Variants in RPS6KA1 observed in about 807,000 individuals in gnomAD.
RPS6KA1 encodes ribosomal protein S6 kinase alpha-1.
RPS6KA1 carries 48 observed loss-of-function variants against 91.3 expected under a neutral mutation model. The ratio of observed to expected loss-of-function variants is 0.53; its 90% CI spans 0.42 to 0.67. RPS6KA1 has a LOEUF of 0.67. Among genes scored for constraint, RPS6KA1 ranks in the 30% least tolerant of loss-of-function variants. The probability of loss-of-function intolerance (pLI) is 0.00; values close to 1 mark genes in which losing one functional copy is unlikely to be tolerated. For missense variants in RPS6KA1, 719 were observed against 960.5 expected (o/e 0.75, Z 3.32); for synonymous variants, 359 against 384.7 (o/e 0.93, Z 0.78).
intron 13 of RPS6KA1, among the ~76,000 whole-genome samples, chr1:26,557,647 C>A (rs2076114362): frequency 6.6e-6 from 1 of 152,138 alleles, no homozygotes. Context: ...TGGGAAGGAA[C>A]CTGGTGAATC....
intron 2 of RPS6KA1, among the ~76,000 whole-genome samples, chr1:26,541,177 C>G (rs1304581319): frequency 6.6e-6 from 1 of 151,408 alleles, no homozygotes; most frequent in African/African-American, 2.4e-5. Context: ...GTGGGAGGAT[C>G]GCTTGAGCCC....
rs987472000 is a variant in RPS6KA1 at position 26,556,903 on chromosome 1, G to A, written c.982-95G>A. On this transcript the variant is annotated intron_variant, in intron 12 of 21. Transcript: ENST00000374168. ...GCAATTCCGAGAGCTGGGCAATATGGCCTATGTTCCAAGCCCAGCACCTCC... is the reference window on the plus strand; with the variant it reads ...GCAATTCCGAGAGCTGGGCAATATGACCTATGTTCCAAGCCCAGCACCTCC... 3.0e-5 allele frequency: 36 copies of A among 1,183,310 alleles called. No individual in the cohort carries two copies. The Middle Eastern group carries it at 2.3e-3, about 76-fold the overall frequency. The allele number at this position is 1,183,310 out of a possible 1,614,324, so 73.3% of individuals were successfully genotyped here. A position where few individuals can be genotyped will look rare whatever the true frequency, so the allele number is the denominator to read the frequency against.
At position 26,571,963 on chromosome 1, in the gene RPS6KA1, AGCC is replaced by A; in HGVS notation, c.1829+39_1829+41del. 3.1e-6 allele frequency: 5 copies of A among 1,589,576 alleles called. No homozygotes were observed. The highest frequency in any genetic ancestry group is 4.3e-6 in the Non-Finnish European group (5 of 1,162,364). ...GGCCTGGACCCTTCCCCACTCCTGC[AGCC>A]CTAGCACTTGGGCTGAGTGGTGCTT... On this transcript the variant is annotated intron_variant, in intron 19 of 21. Coordinates refer to ENST00000374168, the MANE Select transcript of RPS6KA1 (RefSeq NM_002953.4). The surrounding 1 kb of genome is among the most constrained non-coding windows in gnomAD (Gnocchi z 5.1).
Position 26,529,879 on chromosome 1 carries a change from C to T in RPS6KA1, c.-42C>T. On this transcript the variant is annotated 5_prime_UTR_variant, in exon 1 of 22. Coordinates refer to ENST00000374168, the MANE Select transcript of RPS6KA1 (RefSeq NM_002953.4). This position sits in a 1 kb window ranked among gnomAD's most constrained non-coding sequence, Gnocchi z 4.2. The stretch of plus-strand genomic sequence containing the variant: ...CCCCAGGACCCGGGAGGCGGCGCAG[C>T]CGGGGCCGCCGGAGGAGCGCGGGTG... 2.2e-6 allele frequency: 3 copies of T among 1,394,110 alleles called. No individual in the cohort carries two copies. The highest frequency in any genetic ancestry group is 2.8e-6 in the Non-Finnish European group (3 of 1,068,856). The allele number at this position is 1,394,110 out of a possible 1,614,324, so 86.4% of individuals were successfully genotyped here.
Position 26,571,742 on chromosome 1 carries a change from C to G in RPS6KA1, c.1753-107C>G. 1 of 1,479,454 alleles carries G rather than the reference C, an allele frequency of 6.8e-7. No individual in the cohort carries two copies. The allele number at this position is 1,479,454 out of a possible 1,614,324, so 91.6% of individuals were successfully genotyped here. ...GCCCAGCTGGCAAGGGAAGATCTAG[C>G]CTGTGCCTGGGACCCTTGTCCTGCC... is the stretch of plus-strand genomic sequence containing the variant. On this transcript the variant is annotated intron_variant, in intron 18 of 21. Transcript: ENST00000374168. The surrounding 1 kb of genome is among the most constrained non-coding windows in gnomAD (Gnocchi z 5.1).
At chr1:26,545,477 T>C (rs1337876943) in intron 2 of RPS6KA1, among the ~76,000 whole-genome samples, 1 of 151,916 alleles carries the variant, frequency 6.6e-6, no homozygotes, top group East Asian at 1.9e-4. Flanking sequence ...CATTCTTACC[T>C]GTTTCCACCT....
At chr1:26,542,996 C>T in intron 2 of RPS6KA1, 1 of 681,904 alleles carries the variant, frequency 1.5e-6, no homozygotes. Flanking sequence ...TCTGCAGTGT[C>T]CCCTCCTCTA....
intron 1 of RPS6KA1, 30 bp downstream of exon 1, chr1:26,530,013 C>A: frequency 7.6e-7 from 1 of 1,308,774 alleles, no homozygotes; most frequent in Non-Finnish European, 9.7e-7. Flanking sequence ...GACGGGCGCC[C>A]GCGGCCGGCG....
chr1:26,560,938 C>T, intron 15 of RPS6KA1, 87 bp downstream of exon 15: 1 of 1,604,426 alleles, frequency 6.2e-7, no homozygotes, highest in Admixed American at 1.7e-5. Flanking sequence ...CTGAGCTCTG[C>T]AGATGTATGA....
At position 26,566,751 on chromosome 1, in the gene RPS6KA1, C is replaced by CA. The variant is rs1390044137; in HGVS notation, c.1591-4697dup. On this transcript the variant is annotated intron_variant, in intron 17 of 21. Transcript: ENST00000374168. ...CTTTGCATCCTACGTGGCAGGAGTT[C>CA]ATGATTTAATATGTGGAGTCTTCTT... Among the ~76,000 whole-genome samples, 8 of 152,132 alleles carry CA rather than the reference C, an allele frequency of 5.3e-5. No homozygotes were observed. In the South Asian group the frequency reaches 6.2e-4, roughly 12 times the overall value.
rs1004479280 is a variant in RPS6KA1 at position 26,558,106 on chromosome 1, C to T, written c.1085-701C>T. ...TGCTTTTCTCACTGCACTTGCACGC[C>T]TCTGATGACAGAGACAGCACTTCTC... On this transcript the variant is annotated intron_variant, in intron 13 of 21. Transcript: ENST00000374168. The surrounding 1 kb of genome is among the most constrained non-coding windows in gnomAD (Gnocchi z 4.0). Among the ~76,000 whole-genome samples the T allele has an allele frequency of 2.6e-5, 4 of 152,084 alleles. No individual in the cohort carries two copies. The highest frequency in any genetic ancestry group is 5.9e-5 in the Non-Finnish European group (4 of 68,030).
At position 26,555,617 on chromosome 1, in the gene RPS6KA1, A is replaced by G. The variant is rs1288339288; in HGVS notation, c.908A>G (p.Asn303Ser). The G allele has an allele frequency of 6.3e-7, 1 of 1,594,082 alleles. No individual in the cohort carries two copies. The highest frequency in any genetic ancestry group is 1.1e-5 in the South Asian group (1 of 88,206). Residue 303 changes from asparagine (N) to serine (S), a missense_variant, in exon 11 of 22, where the codon AAC becomes AGC. By Grantham distance (46) the Asn-to-Ser change is conservative. This residue lies in a region of RPS6KA1 where 228 missense variants were observed against 247.6 expected (regional missense o/e 0.92). Transcript: ENST00000374168. This position sits in a 1 kb window ranked among gnomAD's most constrained non-coding sequence, Gnocchi z 4.3. ...GCCCTGTTCAAGCGGAATCCTGCCA[A>G]CCGGCTCGGTAAGCAGCCCCAGCTC... ...LRALFKRNPA[N>S]RLGSGPDGAE... is the part of the protein sequence containing the mutation.
At chr1:26,532,033 G>A (rs1349459853) in intron 1 of RPS6KA1, among the ~76,000 whole-genome samples, 1 of 152,212 alleles carries the variant, frequency 6.6e-6, no homozygotes, top group African/African-American at 2.4e-5. Flanking sequence ...CTCCTAGCCA[G>A]GAAGGAGGCA....
intron 6 of RPS6KA1, 108 bp from the exon 7 acceptor site, chr1:26,553,283 G>C: frequency 1.4e-6 from 1 of 691,996 alleles, no homozygotes; most frequent in Non-Finnish European, 2.6e-6. Context: ...GGGTTTCCAA[G>C]GGTCCTCCCA....
chr1:26,555,569 C>A lies in RPS6KA1; in HGVS notation c.860C>A (p.Thr287Asn), dbSNP rs1264898138. 6.2e-7 allele frequency: 1 copy of A among 1,601,058 alleles called. No individual in the cohort carries two copies. The highest frequency in any genetic ancestry group is 2.3e-5 in the East Asian group (1 of 44,364). The change falls in exon 11 of 22, where the codon ACT (threonine) becomes AAT (asparagine). Residue 287 changes from threonine (T) to asparagine (N), a missense_variant. Physicochemically the swap from Thr to Asn is moderately conservative, Grantham distance 65. Coordinates refer to ENST00000374168, the MANE Select transcript of RPS6KA1 (RefSeq NM_002953.4). This position sits in a 1 kb window ranked among gnomAD's most constrained non-coding sequence, Gnocchi z 4.3. ...AKLGMPQFLSTEAQSLLRALF... is the reference protein window; with the variant it reads ...AKLGMPQFLSNEAQSLLRALF... ...CTAGGCATGCCCCAGTTTCTGAGCACTGAAGCCCAGAGCCTCTTGCGGGCC... is the reference window on the plus strand; with the variant it reads ...CTAGGCATGCCCCAGTTTCTGAGCAATGAAGCCCAGAGCCTCTTGCGGGCC...
chr1:26,535,038 G>A (rs953444092), intron 1 of RPS6KA1, among the ~76,000 whole-genome samples: 1 of 151,910 alleles, frequency 6.6e-6, no homozygotes, highest in Non-Finnish European at 1.5e-5. Flanking sequence ...CAGGGAGCTG[G>A]TGGGTAGGCT....
At chr1:26,556,963 G>C in intron 12 of RPS6KA1, 35 bp from the exon 13 acceptor site, 2 of 1,520,524 alleles carry the variant, frequency 1.3e-6, no homozygotes, top group South Asian at 2.2e-5. Flanking sequence ...TGTTGAGGAT[G>C]CCATGGTGAC....
rs577994911 is a variant in RPS6KA1 at position 26,540,386 on chromosome 1, A to G, written c.108+3417A>G. Among the ~76,000 whole-genome samples the G allele has an allele frequency of 1.3e-5, 2 of 152,282 alleles. No individual in the cohort carries two copies. The highest frequency in any genetic ancestry group is 4.1e-4 in the South Asian group (2 of 4,828). ...CTGGCCTTAAGCCCCTTGGTCACAC[A>G]GGTCTTTCTCTACCTGGAGTGTCTT... On this transcript the variant is annotated intron_variant, in intron 2 of 21. Transcript: ENST00000374168. This position sits in a 1 kb window ranked among gnomAD's most constrained non-coding sequence, Gnocchi z 4.2.
Position 26,549,222 on chromosome 1 carries a change from T to A in RPS6KA1, c.307+1952T>A, listed in dbSNP as rs959054649. 2.0e-5 allele frequency among the ~76,000 whole-genome samples: 3 copies of A among 151,610 alleles called. No homozygotes were observed. In the East Asian group the frequency reaches 5.8e-4, roughly 29 times the overall value. On this transcript the variant is annotated intron_variant, in intron 4 of 21. Transcript: ENST00000374168. The stretch of plus-strand genomic sequence containing the variant: ...TTTAGTTTTGCATTGTGTGTATTGC[T>A]CAGACATTTTGTCTGGTCTTAGTAA...
Sources: gnomAD v4.1 joint callset for allele counts (sites outside exome capture counted in the v4.1 genomes callset) on GRCh38, gnomAD v4.1.1 for gene constraint, gnomAD v4.1.1 regional missense constraint, Gnocchi (gnomAD v3.1) non-coding constraint, MANE v1.5 for transcripts, NCBI Gene and HGNC (gene_info 2026-07-23, HGNC 2026-07-21) for gene names.